Variants in NAA16 observed in about 807,000 individuals in gnomAD.
The protein encoded by NAA16 is NARG1-like protein.
NAA16 carries 97 observed loss-of-function variants against 110.3 expected under a neutral mutation model. The ratio of observed to expected loss-of-function variants is 0.88; its 90% CI spans 0.75 to 1.04. NAA16 has a LOEUF of 1.04. Ranked by LOEUF, NAA16 falls within the 50% of genes least tolerant of loss-of-function variation. NAA16 has a pLI of 0.00. For missense variants in NAA16, 1,017 were observed against 1,005.1 expected (o/e 1.01, Z -0.16); for synonymous variants, 372 against 330.6 (o/e 1.13, Z -1.36).
chr13:41,332,534 T>C (rs1009329075), intron 8 of NAA16, among the ~76,000 whole-genome samples: 1 of 152,204 alleles, frequency 6.6e-6, no homozygotes, highest in Non-Finnish European at 1.5e-5. Context: ...GTAGCTAATA[T>C]CTTTGTTGAG....
Position 41,323,183 on chromosome 13 carries a change from CT to C in NAA16, c.531del (p.Gln178SerfsTer8). 2.2e-5 allele frequency: 35 copies of C among 1,613,408 alleles called. No individual in the cohort carries two copies. The highest frequency in any genetic ancestry group is 3.0e-5 in the Non-Finnish European group (35 of 1,179,746). On this transcript the variant is annotated frameshift_variant, in exon 5 of 20. Transcript: ENST00000379406. LOFTEE classifies it high-confidence loss of function. ...ALKLLEEFRQ[T>X]QQVPPNKIDY... is the part of the protein sequence containing the mutation. Reference sequence around the variant, plus strand: ...AAACTGTTGGAAGAATTTAGACAAACTCAGCAAGTAAGAATTTTAATGTTTC... The same window carrying C: ...AAACTGTTGGAAGAATTTAGACAAACCAGCAAGTAAGAATTTTAATGTTTC...
chr13:41,352,061 G>C (rs1484932124), intron 9 of NAA16, among the ~76,000 whole-genome samples: 1 of 152,172 alleles, frequency 6.6e-6, no homozygotes, highest in Non-Finnish European at 1.5e-5. Context: ...TAACCATAAG[G>C]CCAGGGCTGG....
In NAA16 at chr13:41,316,935, T is replaced by G; in HGVS notation, c.139+5T>G. ...CAAAATTTGCTGAACATGGAGGTATTGTCTCATGTGAGAGATTGCTTTAGG... is the reference window on the plus strand; with the variant it reads ...CAAAATTTGCTGAACATGGAGGTATGGTCTCATGTGAGAGATTGCTTTAGG... On this transcript the variant is annotated splice_donor_5th_base_variant and intron_variant, in intron 2 of 19. Transcript: ENST00000379406. 6.3e-7 allele frequency: 1 copy of G among 1,594,048 alleles called. No individual in the cohort carries two copies. The highest frequency in any genetic ancestry group is 1.1e-5 in the South Asian group (1 of 90,600).
rs2043041524 is a variant in NAA16, at chr13:41,358,439, T to C, written c.1223T>C (p.Ile408Thr). The change falls in exon 11 of 20, where the codon ATA (isoleucine) becomes ACA (threonine). Residue 408 changes from isoleucine (I) to threonine (T), a missense_variant. Ile to Thr is a moderately conservative substitution (Grantham distance 89, BLOSUM62 -1). Coordinates refer to ENST00000379406, the MANE Select transcript of NAA16 (RefSeq NM_024561.5). The part of the protein sequence containing the change: ...NAAIASTPTL[I>T]ELFYMKAKIY... ...GCAATTGCTAGTACTCCAACTCTAA[T>C]AGAATTATTCTATATGAAAGCAAAA... 3 of 1,613,350 alleles carry C rather than the reference T, an allele frequency of 1.9e-6. No individual in the cohort carries two copies. Among genetic ancestry groups the C allele is most frequent in the Non-Finnish European group, 2.5e-6 (3 of 1,179,430 alleles).
intron 1 of NAA16, among the ~76,000 whole-genome samples, chr13:41,315,590 G>T (rs1206762292): frequency 5.3e-5 from 8 of 152,156 alleles, no homozygotes; most frequent in Admixed American, 6.5e-5. Flanking sequence ...CTACATTAAA[G>T]AATTGGTATT....
intron 1 of NAA16, among the ~76,000 whole-genome samples, chr13:41,313,820 A>G (rs2139356939): frequency 6.7e-6 from 1 of 150,028 alleles, no homozygotes; most frequent in East Asian, 2.0e-4. Flanking sequence ...AGAATCTATC[A>G]TTTCTGCTTA....
chr13:41,373,009 C>T (rs2043352988), intron 17 of NAA16, 179 bp downstream of exon 17: 1 of 778,034 alleles, frequency 1.3e-6, no homozygotes, highest in Non-Finnish European at 1.6e-6. Context: ...AGTGGGATGC[C>T]ACTGAGAGAA....
At position 41,311,806 on chromosome 13, in the gene NAA16, C is replaced by T. The variant is rs771927843; in HGVS notation, c.54+224C>T. Among the ~76,000 whole-genome samples, 188 of 152,308 alleles carry T rather than the reference C, an allele frequency of 1.2e-3. 1 individual carries two copies. Among genetic ancestry groups the T allele is most frequent in the Non-Finnish European group, 2.0e-3 (137 of 68,020 alleles). The stretch of plus-strand genomic sequence containing the variant: ...TTCCTTTCCGCGGTCTTCTGCGGCT[C>T]GCCTCACCCCCGCCGCGCTCTTTCC... On this transcript the variant is annotated intron_variant, in intron 1 of 19. Transcript: ENST00000379406.
rs767970483 is a variant in NAA16 at position 41,369,261 on chromosome 13, T to A, written c.1925T>A (p.Leu642His). 4 of 1,570,022 alleles carry A rather than the reference T, an allele frequency of 2.5e-6. No homozygotes were observed. The highest frequency in any genetic ancestry group is 2.1e-5 in the Admixed American group (1 of 46,720). ...EEEASGLKEE[L>H]IPEKLERVEN... The stretch of plus-strand genomic sequence containing the variant: ...GAAGCCAGTGGCCTTAAGGAAGAAC[T>A]TATACCTGAAAAATTAGAAAGGGTG... Residue 642 changes from leucine (L) to histidine (H), a missense_variant, in exon 15 of 20, where the codon CTT becomes CAT. Transcript: ENST00000379406.
At chr13:41,324,259 A>G (rs893177919) in intron 5 of NAA16, among the ~76,000 whole-genome samples, 3 of 151,882 alleles carry the variant, frequency 2.0e-5, no homozygotes, top group Non-Finnish European at 2.9e-5. Flanking sequence ...TGACCAAAAG[A>G]TAGTACTGTA....
At chr13:41,319,777 A>G (rs956116884) in intron 3 of NAA16, among the ~76,000 whole-genome samples, 1 of 152,106 alleles carries the variant, frequency 6.6e-6, no homozygotes, top group Non-Finnish European at 1.5e-5. Flanking sequence ...TCGGCCTCCC[A>G]AAGTGCTGGG....
chr13:41,356,402 CGT>C (rs2042986517), intron 10 of NAA16, among the ~76,000 whole-genome samples: 8 of 148,788 alleles, frequency 5.4e-5, no homozygotes, highest in South Asian at 4.4e-4. Flanking sequence ...ATTTAAAACA[CGT>C]AAACAGAAGA....
chr13:41,359,053 G>GT (rs1268437149), intron 12 of NAA16, 91 bp downstream of exon 12: 2 of 1,108,134 alleles, frequency 1.8e-6, no homozygotes, highest in East Asian at 4.9e-5. Context: ...AAGAACTTCA[G>GT]TGGAAGTTCA....
intron 10 of NAA16, among the ~76,000 whole-genome samples, chr13:41,358,080 A>G (rs1049757868): frequency 6.6e-6 from 1 of 152,060 alleles, no homozygotes; most frequent in Non-Finnish European, 1.5e-5. Context: ...TTGGAGTGAG[A>G]TTGGGGTTAG....
intron 12 of NAA16, among the ~76,000 whole-genome samples, chr13:41,361,409 A>G (rs2043109900): frequency 6.6e-6 from 1 of 152,268 alleles, no homozygotes; most frequent in South Asian, 2.1e-4. Flanking sequence ...TATACGTAAC[A>G]GTGACCCCGA....
chr13:41,313,299 A>G (rs2139354202), intron 1 of NAA16, among the ~76,000 whole-genome samples: 1 of 152,356 alleles, frequency 6.6e-6, no homozygotes, highest in East Asian at 1.9e-4. Context: ...GCTTGAAGCG[A>G]TCTTCCCACC....
At chr13:41,319,027 G>C in intron 3 of NAA16, 117 bp downstream of exon 3, 1 of 485,950 alleles carries the variant, frequency 2.1e-6, no homozygotes, top group Non-Finnish European at 3.6e-6. Flanking sequence ...AATGAACTCT[G>C]TGTATCCATT....
At chr13:41,348,648 G>A (rs1415385237) in intron 9 of NAA16, among the ~76,000 whole-genome samples, 1 of 152,090 alleles carries the variant, frequency 6.6e-6, no homozygotes, top group Non-Finnish European at 1.5e-5. Flanking sequence ...GGTGATACTG[G>A]CCTCATAATG....
chr13:41,346,434 A>C (rs1197133987), intron 9 of NAA16, among the ~76,000 whole-genome samples: 1 of 152,200 alleles, frequency 6.6e-6, no homozygotes, highest in African/African-American at 2.4e-5. Flanking sequence ...GAAAAAACAC[A>C]GTTTATCACA....
Sources: gnomAD v4.1 joint callset for allele counts (sites outside exome capture counted in the v4.1 genomes callset) on GRCh38, gnomAD v4.1.1 for gene constraint, MANE v1.5 for transcripts, NCBI Gene and HGNC (gene_info 2026-07-23, HGNC 2026-07-21) for gene names.